TBC1D1: variants seen among roughly 807,000 people sequenced by gnomAD.
The protein encoded by TBC1D1 is TBC1 domain family member 1.
In TBC1D1, 89 loss-of-function variants were observed where a neutral mutation model predicts 125.6. The observed-to-expected ratio is 0.71, with a 90% CI of 0.60 to 0.85. The LOEUF (loss-of-function observed/expected upper bound fraction) is 0.85. Among genes scored for constraint, TBC1D1 ranks in the 40% least tolerant of loss-of-function variants. The pLI, the probability that TBC1D1 is intolerant of heterozygous loss-of-function variation, is 0.00. For missense variants in TBC1D1, 1,377 were observed against 1,469.2 expected, an observed-to-expected ratio of 0.94 and a Z score of 1.03; for synonymous variants, 565 against 564.1, an observed-to-expected ratio of 1.00 and a Z score of -0.02.
chr4:38,052,032 G>C (rs1386115769), intron 11 of TBC1D1: 1 of 1,551,102 alleles, frequency 6.4e-7, no homozygotes, highest in Non-Finnish European at 8.7e-7. Context: ...TTCCAGTGGA[G>C]AACAAAGTGG....
At chr4:38,135,952 G>A (rs57932388) in intron 19 of TBC1D1, among the ~76,000 whole-genome samples, 8,403 of 133,494 alleles carry the variant, frequency 0.063, 548 homozygotes, top group African/African-American at 0.18. Flanking sequence ...GTGTGTGTGT[G>A]TATATATGTG....
chr4:38,113,998 G>A (rs970368152), intron 15 of TBC1D1, among the ~76,000 whole-genome samples: 1 of 152,052 alleles, frequency 6.6e-6, no homozygotes, highest in African/African-American at 2.4e-5. Context: ...TCCTGCATGG[G>A]GGTCACATTC....
At chr4:37,941,490 A>AT (rs1177164806) in intron 2 of TBC1D1, among the ~76,000 whole-genome samples, 4 of 152,002 alleles carry the variant, frequency 2.6e-5, no homozygotes, top group Admixed American at 6.6e-5. Flanking sequence ...AGATTCATTG[A>AT]TTTTTTGAAG....
intron 2 of TBC1D1, among the ~76,000 whole-genome samples, chr4:37,984,243 G>T (rs1465805518): frequency 6.6e-6 from 1 of 152,156 alleles, no homozygotes; most frequent in Non-Finnish European, 1.5e-5. Context: ...AGGTTTTTGT[G>T]TGGATATGAG....
intron 2 of TBC1D1, among the ~76,000 whole-genome samples, chr4:37,998,974 C>T (rs111809832): frequency 0.049 from 7,420 of 152,278 alleles, 194 homozygotes; most frequent in African/African-American, 0.074. Flanking sequence ...CCACTGGGCA[C>T]GGTGGCTCTC....
chr4:38,059,597 A>G (rs536496889), intron 12 of TBC1D1, among the ~76,000 whole-genome samples: 1 of 152,308 alleles, frequency 6.6e-6, no homozygotes, highest in South Asian at 2.1e-4. Flanking sequence ...CTTAGGGTGA[A>G]TGCCTTGTGT....
intron 2 of TBC1D1, among the ~76,000 whole-genome samples, chr4:37,917,731 C>A (rs868064201): frequency 1.3e-5 from 2 of 152,108 alleles, no homozygotes; most frequent in African/African-American, 2.4e-5. Context: ...TAAAATCTTC[C>A]GAATGACAGA....
At chr4:38,023,326 T>TA (rs1181430108) in intron 6 of TBC1D1, among the ~76,000 whole-genome samples, 3 of 152,178 alleles carry the variant, frequency 2.0e-5, no homozygotes, top group Non-Finnish European at 2.9e-5. Flanking sequence ...TTTTCCTTTT[T>TA]AAAAAAATAT....
At chr4:37,926,672 C>T (rs1433009698) in intron 2 of TBC1D1, among the ~76,000 whole-genome samples, 1 of 152,202 alleles carries the variant, frequency 6.6e-6, no homozygotes, top group Non-Finnish European at 1.5e-5. Flanking sequence ...AAACCTGGTC[C>T]CCATGGAAAG....
At chr4:38,095,250 A>T (rs1201776127) in intron 13 of TBC1D1, among the ~76,000 whole-genome samples, 1 of 152,216 alleles carries the variant, frequency 6.6e-6, no homozygotes, top group Non-Finnish European at 1.5e-5. Flanking sequence ...GTGGCCATGA[A>T]ATAAGAGGTT....
At chr4:38,022,296 A>G (rs1744211515) in intron 6 of TBC1D1, among the ~76,000 whole-genome samples, 2 of 152,250 alleles carry the variant, frequency 1.3e-5, no homozygotes, top group South Asian at 4.1e-4. Flanking sequence ...TGTATTGAAT[A>G]AGATCTGCCA....
chr4:38,124,069 T>A (rs1257450468), intron 17 of TBC1D1, among the ~76,000 whole-genome samples: 1 of 152,256 alleles, frequency 6.6e-6, no homozygotes, highest in East Asian at 1.9e-4. Context: ...AGAAAAGAAA[T>A]ACTGACACTT....
At chr4:37,916,200 C>T (rs949321850) in intron 2 of TBC1D1, among the ~76,000 whole-genome samples, 2 of 152,116 alleles carry the variant, frequency 1.3e-5, no homozygotes, top group African/African-American at 4.8e-5. Flanking sequence ...CATTAAGAGA[C>T]TGGTGTATAT....
At chr4:38,109,528 T>A (rs140847653) in intron 15 of TBC1D1, among the ~76,000 whole-genome samples, 2 of 152,316 alleles carry the variant, frequency 1.3e-5, no homozygotes, top group Non-Finnish European at 2.9e-5. Flanking sequence ...GTGTTCAGTG[T>A]TTGCAGATTT....
In TBC1D1 at chr4:38,014,590, G is replaced by A. The variant is rs1560619304; in HGVS notation, c.499G>A (p.Asp167Asn). 2 of 1,613,394 alleles carry A rather than the reference G, an allele frequency of 1.2e-6. No individual in the cohort carries two copies. Among genetic ancestry groups the A allele is most frequent in the East Asian group, 2.2e-5 (1 of 44,886 alleles). ...GCTGCACTGCCCGTCCGAGTTCGAC[G>A]ACACGTTTTCCAAGAAGTTCGAGGT... The change falls in exon 3 of 20, where the codon GAC (aspartate) becomes AAC (asparagine). Residue 167 changes from aspartate to asparagine, a missense_variant. Around this residue, in one of 3 missense-constraint regions of TBC1D1, gnomAD observed 822 missense variants for 824.6 expected, o/e 1.00. Transcript: ENST00000261439. The surrounding 1 kb of genome is among the most constrained non-coding windows in gnomAD (Gnocchi z 5.1).
chr4:38,126,257 T>G (rs1764637875), intron 18 of TBC1D1, among the ~76,000 whole-genome samples: 2 of 152,212 alleles, frequency 1.3e-5, no homozygotes, highest in Admixed American at 1.3e-4. Flanking sequence ...GGGACCACCA[T>G]CATATATGCA....
intron 2 of TBC1D1, among the ~76,000 whole-genome samples, chr4:37,975,480 A>G (rs1425452092): frequency 6.6e-6 from 1 of 152,210 alleles, no homozygotes. Context: ...GAGGTGGAGT[A>G]GTAGAGTCTT....
intron 2 of TBC1D1, among the ~76,000 whole-genome samples, chr4:37,955,726 A>C (rs925146961): frequency 6.6e-6 from 1 of 152,070 alleles, no homozygotes; most frequent in African/African-American, 2.4e-5. Flanking sequence ...ACTCTTTTTT[A>C]CAAAAATTTC....
chr4:38,114,489 G>A (rs906709226), intron 15 of TBC1D1, among the ~76,000 whole-genome samples: 8 of 152,162 alleles, frequency 5.3e-5, no homozygotes, highest in African/African-American at 9.7e-5. Flanking sequence ...AACAATTAAC[G>A]TGTGGCCTAG....
Sources: allele counts gnomAD v4.1 joint callset (sites outside exome capture counted in the v4.1 genomes callset), GRCh38; gene constraint gnomAD v4.1.1; regional missense constraint gnomAD v4.1.1; non-coding constraint Gnocchi (gnomAD v3.1); transcripts MANE v1.5; gene names NCBI Gene and HGNC (gene_info 2026-07-23, HGNC 2026-07-21).